The following KHDRBS3 variants were observed in gnomAD, a reference collection of about 807,000 sequenced individuals.
KHDRBS3 encodes KH domain-containing, RNA-binding, signal transduction-associated protein 3.
Under a neutral mutation model 45.6 loss-of-function variants are expected in KHDRBS3, and 23 were observed. The observed-to-expected ratio is 0.50, with a 90% CI of 0.36 to 0.72. The LOEUF (loss-of-function observed/expected upper bound fraction) is 0.72. Among genes scored for constraint, KHDRBS3 ranks in the 30% least tolerant of loss-of-function variants. The pLI is 0.00. For synonymous variants in KHDRBS3, 162 were observed against 156.5 expected (o/e 1.04, Z -0.26); for missense variants, 352 against 424.8 (o/e 0.83, Z 1.51).
intron 5 of KHDRBS3, among the ~76,000 whole-genome samples, chr8:135,570,083 A>C (rs150190299): frequency 1.1e-4 from 17 of 152,274 alleles, no homozygotes; most frequent in African/African-American, 3.4e-4. Flanking sequence ...TTATATCTCT[A>C]TATATGTAGA....
intron 1 of KHDRBS3, among the ~76,000 whole-genome samples, chr8:135,510,139 C>T (rs1223136940): frequency 6.6e-6 from 1 of 151,894 alleles, no homozygotes; most frequent in Non-Finnish European, 1.5e-5. Context: ...ACTACCATGC[C>T]TAATTATTTT....
At chr8:135,643,162 A>G (rs1368730735) in intron 7 of KHDRBS3, among the ~76,000 whole-genome samples, 1 of 151,816 alleles carries the variant, frequency 6.6e-6, no homozygotes, top group East Asian at 1.9e-4. Flanking sequence ...AGATTTTCCA[A>G]CCTGTTTCCT....
At chr8:135,469,526 T>TTTTG (rs1563699702) in intron 1 of KHDRBS3, among the ~76,000 whole-genome samples, 3 of 37,250 alleles carry the variant, frequency 8.1e-5, no homozygotes, top group African/African-American at 2.1e-4. Flanking sequence ...TGTTTTGGTT[T>TTTTG]TTTTTTTTTT....
Position 135,557,435 on chromosome 8 carries a change from G to T in KHDRBS3, c.472-13G>T. The T allele has an allele frequency of 6.4e-7, 1 of 1,573,118 alleles. No homozygotes were observed. Among genetic ancestry groups the T allele is most frequent in the Non-Finnish European group, 8.6e-7 (1 of 1,156,826 alleles). The stretch of plus-strand genomic sequence containing the variant: ...TATGAAGTGAATTTTGCTATCTTCT[G>T]TCTTTTGTGTAGGATTATAATGATG... On this transcript the variant is annotated splice_polypyrimidine_tract_variant and intron_variant, in intron 4 of 8. Transcript: ENST00000355849.
intron 1 of KHDRBS3, among the ~76,000 whole-genome samples, chr8:135,516,607 G>C (rs1450528969): frequency 4.4e-5 from 5 of 112,456 alleles, no homozygotes; most frequent in South Asian, 5.7e-4. Flanking sequence ...TGAGTAAACA[G>C]TGCATTTGGT....
At chr8:135,514,567 A>G (rs1824470337) in intron 1 of KHDRBS3, among the ~76,000 whole-genome samples, 1 of 152,188 alleles carries the variant, frequency 6.6e-6, no homozygotes, top group Admixed American at 6.6e-5. Flanking sequence ...GGGAAGGGAA[A>G]ATGGGGAGTA....
At chr8:135,579,492 G>A (rs753865012) in intron 5 of KHDRBS3, among the ~76,000 whole-genome samples, 2 of 151,958 alleles carry the variant, frequency 1.3e-5, no homozygotes, top group Non-Finnish European at 2.9e-5. Context: ...GTATCACCAC[G>A]CCTGGCTAAT....
intron 3 of KHDRBS3, among the ~76,000 whole-genome samples, chr8:135,545,842 C>A (rs570918042): frequency 5.7e-4 from 87 of 152,282 alleles, no homozygotes; most frequent in African/African-American, 2.0e-3. Context: ...AGGTTTGCAA[C>A]TTAAATGGAT....
At chr8:135,505,419 G>A (rs761009025) in intron 1 of KHDRBS3, among the ~76,000 whole-genome samples, 4 of 152,090 alleles carry the variant, frequency 2.6e-5, no homozygotes, top group Admixed American at 6.5e-5. Flanking sequence ...CAGGGCTAGC[G>A]TAGTCTCTGG....
At chr8:135,538,389 G>T (rs776673624) in intron 2 of KHDRBS3, 11 of 152,200 alleles carry the variant, frequency 7.2e-5, no homozygotes, top group Non-Finnish European at 1.3e-4. Flanking sequence ...TTGAGGGTTT[G>T]TGTCTGTCCT....
At chr8:135,611,661 G>A (rs1307887969) in intron 7 of KHDRBS3, among the ~76,000 whole-genome samples, 2 of 151,812 alleles carry the variant, frequency 1.3e-5, no homozygotes, top group South Asian at 2.1e-4. Flanking sequence ...TTTCTTTGAA[G>A]GACACCAGTC....
chr8:135,502,392 A>C (rs923405780), intron 1 of KHDRBS3, among the ~76,000 whole-genome samples: 4 of 152,174 alleles, frequency 2.6e-5, no homozygotes, highest in Non-Finnish European at 1.5e-5. Context: ...CCCTATGCAT[A>C]GGATACCCCT....
At chr8:135,509,513 A>G (rs748861744) in intron 1 of KHDRBS3, among the ~76,000 whole-genome samples, 1 of 152,086 alleles carries the variant, frequency 6.6e-6, no homozygotes, top group Non-Finnish European at 1.5e-5. Context: ...TTCAATTTCT[A>G]CTCTTTGGTC....
chr8:135,648,799 G>A (rs1312721145), downstream of KHDRBS3, among the ~76,000 whole-genome samples: 2 of 151,970 alleles, frequency 1.3e-5, no homozygotes, highest in African/African-American at 2.4e-5. Flanking sequence ...CATTATAAGC[G>A]GCAGAGATTG....
At chr8:135,471,762 C>A (rs544826193) in intron 1 of KHDRBS3, among the ~76,000 whole-genome samples, 1 of 152,282 alleles carries the variant, frequency 6.6e-6, no homozygotes, top group Non-Finnish European at 1.5e-5. Flanking sequence ...CGTAGGGCTC[C>A]CTGTCTGGCT....
At chr8:135,474,046 A>G (rs1268177382) in intron 1 of KHDRBS3, among the ~76,000 whole-genome samples, 5 of 152,214 alleles carry the variant, frequency 3.3e-5, no homozygotes, top group Non-Finnish European at 7.3e-5. Flanking sequence ...CTCATAGACC[A>G]TACGAGGAAT....
At chr8:135,519,571 C>G (rs984553110) in intron 1 of KHDRBS3, among the ~76,000 whole-genome samples, 6 of 152,210 alleles carry the variant, frequency 3.9e-5, no homozygotes, top group Non-Finnish European at 8.8e-5. Flanking sequence ...ATTTGTAAGT[C>G]ACATGAGATC....
chr8:135,607,675 CTTTTG>C (rs1829526867), intron 7 of KHDRBS3, among the ~76,000 whole-genome samples: 1 of 152,008 alleles, frequency 6.6e-6, no homozygotes, highest in Admixed American at 6.5e-5. Context: ...ATGTGGAAAC[CTTTTG>C]TTTTATGTTT....
intron 7 of KHDRBS3, among the ~76,000 whole-genome samples, chr8:135,635,115 T>TA (rs1203272323): frequency 4.6e-5 from 7 of 152,246 alleles, no homozygotes; most frequent in Admixed American, 1.3e-4. Flanking sequence ...AACAAACATT[T>TA]AAAAAATTTA....
Sources: gnomAD v4.1 joint callset for allele counts (sites outside exome capture counted in the v4.1 genomes callset) on GRCh38, gnomAD v4.1.1 for gene constraint, MANE v1.5 for transcripts, NCBI Gene and HGNC (gene_info 2026-07-23, HGNC 2026-07-21) for gene names.